RBFOX1: variants seen among roughly 807,000 people sequenced by gnomAD.
RBFOX1 encodes RNA binding protein fox-1 homolog 1.
A neutral mutation model predicts 57.7 loss-of-function variants in RBFOX1; 8 were observed. The observed-to-expected ratio is 0.14, with a 90% CI of 0.08 to 0.25. The LOEUF is 0.25. Among genes scored for constraint, RBFOX1 ranks in the 10% least tolerant of loss-of-function variants. The pLI is 1.00. For missense variants in RBFOX1, 611 were observed against 548.5 expected (o/e 1.11, Z -1.14); for synonymous variants, 326 against 222.4 (o/e 1.47, Z -4.15).
chr16:5,658,008 A>G (rs1440373124), intron 3 of RBFOX1, among the ~76,000 whole-genome samples: 2 of 152,086 alleles, frequency 1.3e-5, no homozygotes, highest in Non-Finnish European at 2.9e-5. Context: ...ATGATATTAC[A>G]GGCGTGAGCC....
intron 4 of RBFOX1, among the ~76,000 whole-genome samples, chr16:7,465,379 C>G (rs753376638): frequency 5.3e-5 from 8 of 152,182 alleles, no homozygotes; most frequent in Non-Finnish European, 7.4e-5. Flanking sequence ...TTGGCTGCTT[C>G]ATTTGTTCTT....
At chr16:6,437,203 A>C (rs1470858167) in intron 2 of RBFOX1, among the ~76,000 whole-genome samples, 2 of 152,220 alleles carry the variant, frequency 1.3e-5, no homozygotes, top group Admixed American at 1.3e-4. Flanking sequence ...TTTACTGTTC[A>C]ATCAGGAATG....
intron 3 of RBFOX1, among the ~76,000 whole-genome samples, chr16:5,663,991 A>T (rs1052058194): frequency 6.6e-6 from 1 of 152,072 alleles, no homozygotes; most frequent in Non-Finnish European, 1.5e-5. Flanking sequence ...ATTCCTCAGT[A>T]TGAACATCAG....
At chr16:5,429,010 A>G (rs1181192197) in intron 1 of RBFOX1, among the ~76,000 whole-genome samples, 1 of 152,044 alleles carries the variant, frequency 6.6e-6, no homozygotes, top group Non-Finnish European at 1.5e-5. Flanking sequence ...TTTTAAATGG[A>G]AGTACCAGGG....
chr16:7,179,291 G>A (rs914190796), intron 4 of RBFOX1, among the ~76,000 whole-genome samples: 4 of 151,642 alleles, frequency 2.6e-5, no homozygotes, highest in Non-Finnish European at 4.4e-5. Context: ...TCCATTGGAA[G>A]TGTCAAGAGA....
chr16:6,065,048 G>T (rs2095742307), intron 1 of RBFOX1, among the ~76,000 whole-genome samples: 1 of 148,952 alleles, frequency 6.7e-6, no homozygotes, highest in African/African-American at 2.5e-5. Flanking sequence ...TTTTTCTTGA[G>T]ACAGGGTCTT....
intron 5 of RBFOX1, among the ~76,000 whole-genome samples, chr16:7,550,612 T>G (rs1459194349): frequency 6.6e-6 from 1 of 152,166 alleles, no homozygotes; most frequent in Non-Finnish European, 1.5e-5. Context: ...GGATTCTCAT[T>G]TTTAATTCGG....
At chr16:5,430,158 C>T (rs893664207) in intron 1 of RBFOX1, among the ~76,000 whole-genome samples, 6 of 152,114 alleles carry the variant, frequency 3.9e-5, no homozygotes, top group African/African-American at 1.4e-4. Flanking sequence ...AGGAAAAAGT[C>T]CCTCTCTTCA....
intron 3 of RBFOX1, among the ~76,000 whole-genome samples, chr16:6,694,204 A>G (rs968594806): frequency 7.9e-5 from 12 of 152,094 alleles, no homozygotes; most frequent in African/African-American, 1.4e-4. Flanking sequence ...GGCAACTTCT[A>G]TTGCATATTG....
At chr16:6,310,166 G>A (rs922290061) in intron 1 of RBFOX1, among the ~76,000 whole-genome samples, 7 of 152,328 alleles carry the variant, frequency 4.6e-5, no homozygotes, top group South Asian at 2.1e-4. Context: ...GATTACAGGC[G>A]TGAGCCACCA....
At chr16:6,913,011 C>T (rs915950408) in intron 3 of RBFOX1, among the ~76,000 whole-genome samples, 5 of 151,984 alleles carry the variant, frequency 3.3e-5, no homozygotes, top group Admixed American at 2.6e-4. Context: ...ATTCTACTTC[C>T]TATTTCTGCT....
At chr16:7,135,311 ATTTG>A (rs1304972603) in intron 4 of RBFOX1, among the ~76,000 whole-genome samples, 1 of 152,180 alleles carries the variant, frequency 6.6e-6, no homozygotes, top group East Asian at 1.9e-4. Context: ...ACTCCACATT[ATTTG>A]TTTGCAAGAG....
chr16:5,729,726 C>T (rs961657494), intron 3 of RBFOX1, among the ~76,000 whole-genome samples: 1 of 152,140 alleles, frequency 6.6e-6, no homozygotes, highest in African/African-American at 2.4e-5. Flanking sequence ...TTCTTCTACT[C>T]TTATCGCAAC....
At chr16:5,602,249 G>A (rs747926843), downstream of RBFOX1, among the ~76,000 whole-genome samples, 1 of 152,220 alleles carries the variant, frequency 6.6e-6, no homozygotes, top group African/African-American at 2.4e-5. Context: ...ACATTCACAT[G>A]TGTCAAAATG....
rs1374879521 is a variant in RBFOX1, at chr16:7,143,464, C to G, written c.27+91366C>G. On this transcript the variant is annotated intron_variant, in intron 4 of 15. Transcript: ENST00000550418. Reference sequence around the variant, plus strand: ...TGTGCCTCAGTAATTTAGAATCTGTCTGGAGTCAAGCAGAAAATTAGCCAT... The same window carrying G: ...TGTGCCTCAGTAATTTAGAATCTGTGTGGAGTCAAGCAGAAAATTAGCCAT... Among the ~76,000 whole-genome samples, 4 of 152,206 alleles carry G rather than the reference C, an allele frequency of 2.6e-5. 1 individual carries two copies. The highest frequency in any genetic ancestry group is 6.8e-3 in the Middle Eastern group (2 of 294).
At chr16:7,025,658 T>C (rs1418289248) in intron 3 of RBFOX1, among the ~76,000 whole-genome samples, 2 of 152,140 alleles carry the variant, frequency 1.3e-5, no homozygotes, top group Non-Finnish European at 2.9e-5. Flanking sequence ...GGGGCACCTC[T>C]TCATCAGGGG....
At chr16:6,166,254 G>C (rs11077009) in intron 1 of RBFOX1, among the ~76,000 whole-genome samples, 91,280 of 151,884 alleles carry the variant, frequency 0.6, 29,496 homozygotes, top group African/African-American at 0.85. Flanking sequence ...TGCTGTCCTG[G>C]TGAACTTGTT....
chr16:5,914,786 T>G (rs911861425), intron 4 of RBFOX1, among the ~76,000 whole-genome samples: 5 of 151,942 alleles, frequency 3.3e-5, no homozygotes, highest in African/African-American at 1.2e-4. Context: ...TCCCAGCTAC[T>G]CAGGAGGCTG....
intron 4 of RBFOX1, among the ~76,000 whole-genome samples, chr16:7,247,365 T>C (rs2152999944): frequency 6.6e-6 from 1 of 152,296 alleles, no homozygotes; most frequent in Admixed American, 6.5e-5. Context: ...GGTAGGAAAG[T>C]ACACTCTGCC....
Sources: gnomAD v4.1 joint callset for allele counts (sites outside exome capture counted in the v4.1 genomes callset) on GRCh38, gnomAD v4.1.1 for gene constraint, MANE v1.5 for transcripts, NCBI Gene and HGNC (gene_info 2026-07-23, HGNC 2026-07-21) for gene names.